The following ARSB variants were observed in gnomAD, a reference collection of about 807,000 sequenced individuals.
ARSB encodes arylsulfatase B.
ARSB carries 41 observed loss-of-function variants against 50.9 expected under a neutral mutation model. The observed-to-expected ratio is 0.81, with a 90% CI of 0.63 to 1.04. The LOEUF is 1.04. Among genes scored for constraint, ARSB ranks in the 50% least tolerant of loss-of-function variants. The probability of loss-of-function intolerance (pLI) is 0.00; values close to 1 mark genes in which losing one functional copy is unlikely to be tolerated. For synonymous variants in ARSB, 269 were observed against 284.8 expected, an observed-to-expected ratio of 0.94 and a Z score of 0.56; for missense variants, 672 against 693.3, an observed-to-expected ratio of 0.97 and a Z score of 0.35.
At chr5:78,903,781 C>T (rs1335372694) in intron 4 of ARSB, among the ~76,000 whole-genome samples, 1 of 152,116 alleles carries the variant, frequency 6.6e-6, no homozygotes, top group African/African-American at 2.4e-5. Flanking sequence ...TTACATGAAT[C>T]TTTTCTATAC....
chr5:78,818,598 CTTTTTTTTTTTTTTTTTT>C (rs775162579), intron 6 of ARSB, among the ~76,000 whole-genome samples: 3 of 74,190 alleles, frequency 4.0e-5, no homozygotes, highest in South Asian at 6.2e-4. Context: ...AAATAAAGCT[CTTTTTTTTTTTTTTTTTT>C]TTTTTTTTTT....
At chr5:78,953,122 T>C (rs1751556927) in intron 4 of ARSB, among the ~76,000 whole-genome samples, 1 of 152,254 alleles carries the variant, frequency 6.6e-6, no homozygotes, top group Admixed American at 6.5e-5. Flanking sequence ...TTAACCTTTT[T>C]CACAGCAGGA....
At chr5:78,973,736 G>T (rs762195981) in intron 1 of ARSB, among the ~76,000 whole-genome samples, 5 of 152,142 alleles carry the variant, frequency 3.3e-5, no homozygotes, top group Admixed American at 6.5e-5. Context: ...TCCCAAGAGC[G>T]AAGCAAACCA....
At chr5:78,912,216 G>A (rs1286276934) in intron 4 of ARSB, among the ~76,000 whole-genome samples, 2 of 152,208 alleles carry the variant, frequency 1.3e-5, no homozygotes, top group East Asian at 3.8e-4. Flanking sequence ...GGAAATTGAA[G>A]CATAAGGAAA....
chr5:78,822,635 T>C (rs1744277344), intron 6 of ARSB, among the ~76,000 whole-genome samples: 1 of 152,212 alleles, frequency 6.6e-6, no homozygotes, highest in African/African-American at 2.4e-5. Flanking sequence ...TCCTGTTTTT[T>C]TCTTCGTTTG....
intron 6 of ARSB, among the ~76,000 whole-genome samples, chr5:78,809,789 C>T (rs1183453329): frequency 6.6e-6 from 1 of 152,268 alleles, no homozygotes; most frequent in Non-Finnish European, 1.5e-5. Flanking sequence ...GCCCTCTCCA[C>T]TGCGGGCCTG....
intron 4 of ARSB, among the ~76,000 whole-genome samples, chr5:78,887,696 T>C (rs1322187798): frequency 6.6e-6 from 1 of 152,180 alleles, no homozygotes; most frequent in Non-Finnish European, 1.5e-5. Context: ...AAAAGGAAGT[T>C]TGAAAAAGCC....
At chr5:78,782,287 C>CT (rs956622249) in intron 6 of ARSB, among the ~76,000 whole-genome samples, 20 of 152,082 alleles carry the variant, frequency 1.3e-4, no homozygotes, top group East Asian at 5.8e-4. Flanking sequence ...AGCAGAGTGA[C>CT]TTTTTTTTGG....
At chr5:78,953,620 C>T (rs559376799) in intron 4 of ARSB, among the ~76,000 whole-genome samples, 1 of 152,268 alleles carries the variant, frequency 6.6e-6, no homozygotes, top group African/African-American at 2.4e-5. Context: ...CAACATGTCA[C>T]CTCACCCCTA....
chr5:78,951,885 AG>A (rs1751507375), intron 4 of ARSB, among the ~76,000 whole-genome samples: 1 of 152,204 alleles, frequency 6.6e-6, no homozygotes, highest in Non-Finnish European at 1.5e-5. Context: ...TATTTTATGA[AG>A]TGAGCACAAC....
intron 6 of ARSB, among the ~76,000 whole-genome samples, chr5:78,785,254 A>G (rs921002267): frequency 2.6e-5 from 4 of 152,128 alleles, no homozygotes; most frequent in Non-Finnish European, 2.9e-5. Context: ...AACCTTTTGA[A>G]TAACAGATAT....
intron 6 of ARSB, among the ~76,000 whole-genome samples, chr5:78,784,319 G>C (rs983209510): frequency 1.3e-5 from 2 of 152,168 alleles, no homozygotes; most frequent in African/African-American, 4.8e-5. Context: ...CCACCACTAG[G>C]TATTTATCCA....
At chr5:78,919,020 A>G (rs916165534) in intron 4 of ARSB, among the ~76,000 whole-genome samples, 18 of 152,216 alleles carry the variant, frequency 1.2e-4, no homozygotes, top group Non-Finnish European at 2.4e-4. Context: ...GGGATTTTCC[A>G]TAAGTGTGAG....
At chr5:78,852,309 C>T (rs1031897031) in intron 5 of ARSB, among the ~76,000 whole-genome samples, 1 of 152,110 alleles carries the variant, frequency 6.6e-6, no homozygotes, top group Admixed American at 6.5e-5. Context: ...TTCTCCTTCA[C>T]TTATGAAGCT....
At chr5:78,921,676 C>T (rs1561503135) in intron 4 of ARSB, among the ~76,000 whole-genome samples, 1 of 152,122 alleles carries the variant, frequency 6.6e-6, no homozygotes, top group Non-Finnish European at 1.5e-5. Context: ...GGAAAATTCA[C>T]AAATACAGTA....
chr5:78,847,591 G>A (rs1745504421), intron 5 of ARSB, among the ~76,000 whole-genome samples: 1 of 152,182 alleles, frequency 6.6e-6, no homozygotes, highest in African/African-American at 2.4e-5. Flanking sequence ...AATAAGTTTA[G>A]AAGAATTCCC....
At chr5:78,872,096 C>G (rs892854906) in intron 5 of ARSB, among the ~76,000 whole-genome samples, 3 of 148,936 alleles carry the variant, frequency 2.0e-5, no homozygotes, top group Non-Finnish European at 4.5e-5. Context: ...CAGAGAAATG[C>G]AAATCAAAAC....
chr5:78,872,343 G>A (rs905651926), intron 5 of ARSB, among the ~76,000 whole-genome samples: 7 of 149,942 alleles, frequency 4.7e-5, no homozygotes, highest in African/African-American at 1.5e-4. Context: ...TATAAATCAT[G>A]CTGCTATAAA....
chr5:78,807,820 G>A (rs1464078915), intron 6 of ARSB, among the ~76,000 whole-genome samples: 5 of 152,130 alleles, frequency 3.3e-5, no homozygotes, highest in Non-Finnish European at 5.9e-5. Context: ...TAGGCCGGGC[G>A]CGGTGGCTCA....
Sources: allele counts gnomAD v4.1 joint callset (sites outside exome capture counted in the v4.1 genomes callset), GRCh38; gene constraint gnomAD v4.1.1; transcripts MANE v1.5; gene names NCBI Gene and HGNC (gene_info 2026-07-23, HGNC 2026-07-21).